TRIM36: variants seen among roughly 807,000 people sequenced by gnomAD.
TRIM36 encodes the protein E3 ubiquitin-protein ligase TRIM36.
A neutral mutation model predicts 72.4 loss-of-function variants in TRIM36; 42 were observed. The observed-to-expected ratio is 0.58, with a 90% CI of 0.45 to 0.75. The LOEUF (loss-of-function observed/expected upper bound fraction) is 0.75, where lower values mean the gene tolerates loss of function less well. Ranked by LOEUF, TRIM36 falls within the 30% of genes least tolerant of loss-of-function variation. TRIM36 has a pLI of 0.00. For synonymous variants in TRIM36, 315 were observed against 282.8 expected, an observed-to-expected ratio of 1.11 and a Z score of -1.14; for missense variants, 913 against 857.1, an observed-to-expected ratio of 1.07 and a Z score of -0.81.
chr5:115,165,552 T>C (rs1189131427), intron 1 of TRIM36, among the ~76,000 whole-genome samples: 3 of 152,190 alleles, frequency 2.0e-5, no homozygotes, highest in Non-Finnish European at 4.4e-5. Flanking sequence ...CTGGAACAGC[T>C]GGGACACAGG....
chr5:115,179,151 C>A (rs1265924346), intron 1 of TRIM36, among the ~76,000 whole-genome samples: 1 of 152,214 alleles, frequency 6.6e-6, no homozygotes, highest in African/African-American at 2.4e-5. Context: ...CACTGTGCAG[C>A]CTCCGTACTT....
At chr5:115,178,952 G>A (rs1403995265) in intron 1 of TRIM36, among the ~76,000 whole-genome samples, 2 of 152,158 alleles carry the variant, frequency 1.3e-5, no homozygotes, top group Non-Finnish European at 2.9e-5. Flanking sequence ...TGGAGTTAGT[G>A]GGGTGTGGGA....
intron 9 of TRIM36, among the ~76,000 whole-genome samples, chr5:115,128,369 CA>C (rs61003916): frequency 0.99 from 137,924 of 139,618 alleles, 68,128 homozygotes; most frequent in Middle Eastern, 1. Context: ...AACTCCATCT[CA>C]AAAAAAAAAA....
intron 2 of TRIM36, among the ~76,000 whole-genome samples, chr5:115,155,655 G>C (rs1349704607): frequency 2.0e-5 from 3 of 152,046 alleles, no homozygotes. Flanking sequence ...AGCATACAAG[G>C]AACATACCTC....
chr5:115,171,559 C>T (rs965110440), upstream of TRIM36, among the ~76,000 whole-genome samples: 7 of 152,088 alleles, frequency 4.6e-5, no homozygotes, highest in Non-Finnish European at 7.4e-5. Context: ...TAAATAATTC[C>T]CCTTGGGCTG....
intron 1 of TRIM36, among the ~76,000 whole-genome samples, chr5:115,165,371 G>T (rs1203688771): frequency 1.3e-5 from 2 of 152,220 alleles, no homozygotes; most frequent in Non-Finnish European, 2.9e-5. Context: ...CTTCTGCCTG[G>T]ATATCCAGGT....
chr5:115,128,614 C>T (rs1214025642), intron 9 of TRIM36, among the ~76,000 whole-genome samples: 12 of 144,518 alleles, frequency 8.3e-5, no homozygotes, highest in South Asian at 6.9e-4. Context: ...TAGCCGGGCG[C>T]GGTGGCGGGC....
At chr5:115,171,136 T>C, upstream of TRIM36, 1 of 1,614,226 alleles carries the variant, frequency 6.2e-7, no homozygotes, top group Non-Finnish European at 8.5e-7. Context: ...TTTTATTTCC[T>C]GTTTGGGAGA....
At chr5:115,159,004 G>A (rs1754334832) in intron 2 of TRIM36, among the ~76,000 whole-genome samples, 1 of 152,172 alleles carries the variant, frequency 6.6e-6, no homozygotes, top group South Asian at 2.1e-4. Context: ...TTAAAAAGCA[G>A]TCAATGTTAT....
At chr5:115,174,488 A>G (rs1755249342), upstream of TRIM36, among the ~76,000 whole-genome samples, 1 of 152,208 alleles carries the variant, frequency 6.6e-6, no homozygotes, top group Admixed American at 6.5e-5. Context: ...TAAAGGGATA[A>G]TGAATGGTAT....
chr5:115,161,735 T>C (rs1754492454), intron 2 of TRIM36, among the ~76,000 whole-genome samples: 1 of 151,822 alleles, frequency 6.6e-6, no homozygotes, highest in South Asian at 2.1e-4. Flanking sequence ...CAATAAGGAG[T>C]CGTAAAATCA....
In TRIM36 at chr5:115,126,175, T is replaced by TC. The variant is rs537224416; in HGVS notation, c.*327dup. On this transcript the variant is annotated 3_prime_UTR_variant, in exon 10 of 10. Coordinates refer to ENST00000513154, the MANE Select transcript of TRIM36 (RefSeq NM_001300759.2). Reference sequence around the variant, plus strand: ...GAGAATCATAATAAATACTTTTGTATCCCCCCCACCATAAGGAAAGTGTCA... The same window carrying TC: ...GAGAATCATAATAAATACTTTTGTATCCCCCCCCACCATAAGGAAAGTGTCA... 8 of 229,454 alleles carry TC rather than the reference T, an allele frequency of 3.5e-5. No homozygotes were observed. In the South Asian group the frequency reaches 6.4e-4, roughly 18 times the overall value. 14.2% of individuals were successfully genotyped at this position (229,454 alleles called of 1,614,324 possible).
chr5:115,130,861 A>G lies in TRIM36; in HGVS notation c.1527T>C (p.Cys509=). The G allele has an allele frequency of 6.2e-7, 1 of 1,608,128 alleles. No individual in the cohort carries two copies. Among genetic ancestry groups the G allele is most frequent in the South Asian group, 1.1e-5 (1 of 90,204 alleles). The stretch of plus-strand genomic sequence containing the variant: ...GCAGGAGGTGTTCATTATTATAGCC[A>G]CATTTTTCATCAAAGAGGAAGCTGA... ...PVFSFLFDEK[C]GYNNEHLLLN... is the part of the protein sequence containing the mutation. Residue 509 remains cysteine, a synonymous_variant, in exon 9 of 10, where the codon TGT becomes TGC. Coordinates refer to ENST00000513154, the MANE Select transcript of TRIM36 (RefSeq NM_001300759.2).
At chr5:115,140,403 C>A (rs1753214124) in intron 5 of TRIM36, among the ~76,000 whole-genome samples, 1 of 152,148 alleles carries the variant, frequency 6.6e-6, no homozygotes, top group African/African-American at 2.4e-5. Context: ...ATGCTGTTAT[C>A]TTTTCTAATT....
chr5:115,127,074 G>A (rs752401434), intron 9 of TRIM36, among the ~76,000 whole-genome samples: 6 of 152,182 alleles, frequency 3.9e-5, no homozygotes, highest in Non-Finnish European at 8.8e-5. Context: ...CACTGCTTTA[G>A]TTATATACAG....
At chr5:115,159,777 A>C in intron 2 of TRIM36, 1 of 405,812 alleles carries the variant, frequency 2.5e-6, no homozygotes, top group South Asian at 1.8e-5. Context: ...AAATAATACA[A>C]TTATTGAATT....
intron 1 of TRIM36, among the ~76,000 whole-genome samples, chr5:115,164,614 G>A (rs546904612): frequency 1.3e-5 from 2 of 152,172 alleles, no homozygotes; most frequent in African/African-American, 2.4e-5. Flanking sequence ...ATCTACCCCT[G>A]TGATTCAATG....
In TRIM36 at chr5:115,141,331, C is replaced by G; in HGVS notation, c.779G>C (p.Ser260Thr). Residue 260 changes from serine (S) to threonine (T), a missense_variant, in exon 5 of 10, where the codon AGC (serine) becomes ACC (threonine). Physicochemically the swap from Ser to Thr is moderately conservative, Grantham distance 58 (BLOSUM62 1). Transcript: ENST00000513154. ...TTCAGATATTTGACTCTTCACCTGG[C>G]TTTCCTTACCAATAAGGTAATCAAT... The part of the protein sequence containing the change: ...KDIDYLIGKE[S>T]QVKSQISELN... The G allele has an allele frequency of 1.2e-6, 2 of 1,606,060 alleles. No individual in the cohort carries two copies.
At chr5:115,175,897 G>A (rs1276495674) in intron 1 of TRIM36, among the ~76,000 whole-genome samples, 3 of 152,118 alleles carry the variant, frequency 2.0e-5, no homozygotes, top group African/African-American at 4.8e-5. Context: ...GGCTAAGGCA[G>A]GTAGATCACT....
Sources: gnomAD v4.1 joint callset for allele counts (sites outside exome capture counted in the v4.1 genomes callset) on GRCh38, gnomAD v4.1.1 for gene constraint, MANE v1.5 for transcripts, NCBI Gene and HGNC (gene_info 2026-07-23, HGNC 2026-07-21) for gene names.